The following STAB2 variants were observed in gnomAD, a reference collection of about 807,000 sequenced individuals.
The protein encoded by STAB2 is stabilin 2, also known as stabilin-2.
STAB2 carries 288 observed loss-of-function variants against 338.1 expected under a neutral mutation model. That is an observed-to-expected ratio of 0.85 (90% CI 0.77 to 0.94). The LOEUF is 0.94. Among genes scored for constraint, STAB2 ranks in the 40% least tolerant of loss-of-function variants. STAB2 has a pLI of 0.00. For missense variants in STAB2, 3,141 were observed against 3,210.1 expected (o/e 0.98, Z 0.52); for synonymous variants, 1,202 against 1,193.3 (o/e 1.01, Z -0.15).
At chr12:103,739,509 T>C in intron 54 of STAB2, 41 bp downstream of exon 54, 1 of 1,512,350 alleles carries the variant, frequency 6.6e-7, no homozygotes, top group Non-Finnish European at 8.9e-7. Context: ...GAGCCATAGG[T>C]CTGTTTCATT....
intron 17 of STAB2, among the ~76,000 whole-genome samples, chr12:103,661,953 TG>T (rs1277412363): frequency 2.0e-5 from 3 of 151,950 alleles, no homozygotes; most frequent in African/African-American, 7.3e-5. Flanking sequence ...GGCTCTTACT[TG>T]GAATGAGAGG....
chr12:103,657,745 T>G (rs1364435554), intron 15 of STAB2: 2 of 152,242 alleles, frequency 1.3e-5, no homozygotes, highest in East Asian at 3.8e-4. Context: ...CCATTTCAAT[T>G]TCTAGGTGAG....
chr12:103,706,997 G>A lies in STAB2; in HGVS notation c.4192+10G>A, dbSNP rs66517507. 0.068 allele frequency: 110,341 copies of A among 1,613,238 alleles called. 5,446 individuals are homozygous for A. The highest frequency in any genetic ancestry group is 0.25 in the African/African-American group (18,446 of 74,982). ...ATCCACTGTGACCAAGGTGAGCACC[G>A]TCCTCTCCACAGAGGATCTTGGGCT... On this transcript the variant is annotated intron_variant, in intron 38 of 68. Coordinates refer to ENST00000388887, the MANE Select transcript of STAB2 (RefSeq NM_017564.10).
rs1884972254 is a variant in STAB2, at chr12:103,766,447, G to A, written c.*111G>A. 1.6e-6 allele frequency: 2 copies of A among 1,254,454 alleles called. No homozygotes were observed. Among genetic ancestry groups the A allele is most frequent in the African/African-American group, 3.0e-5 (2 of 66,482 alleles). 77.7% of individuals were successfully genotyped at this position (1,254,454 alleles called of 1,614,324 possible). On this transcript the variant is annotated 3_prime_UTR_variant, in exon 69 of 69. Transcript: ENST00000388887. ...CGTAAAGTCCTTTAAGCACTCAGAA[G>A]CCATACCTCATCTCTCTGGCTGATC...
chr12:103,672,856 T>A (rs1222613309), intron 22 of STAB2, among the ~76,000 whole-genome samples: 1 of 152,224 alleles, frequency 6.6e-6, no homozygotes, highest in Non-Finnish European at 1.5e-5. Flanking sequence ...TATAATGATC[T>A]ACGGTGTTTA....
intron 8 of STAB2, among the ~76,000 whole-genome samples, chr12:103,639,726 A>AC (rs1425772601): frequency 6.8e-6 from 1 of 146,306 alleles, no homozygotes; most frequent in Non-Finnish European, 1.5e-5. Context: ...AAAAAAAAAA[A>AC]CACTTGTTTC....
chr12:103,671,884 A>G (rs1875827418), intron 22 of STAB2, among the ~76,000 whole-genome samples: 1 of 152,214 alleles, frequency 6.6e-6, no homozygotes, highest in South Asian at 2.1e-4. Context: ...AAGCATATGT[A>G]TATTTTTGAC....
rs147235267 is a variant in STAB2, at chr12:103,724,891, C to T, written c.4684-84C>T. 789 of 1,564,430 alleles carry T rather than the reference C, an allele frequency of 5.0e-4. 4 individuals are homozygous for T. In the African/African-American group the frequency reaches 8.4e-3, roughly 17 times the overall value. On this transcript the variant is annotated intron_variant, in intron 44 of 68. Coordinates refer to ENST00000388887, the MANE Select transcript of STAB2 (RefSeq NM_017564.10). ...GAGTGAGACAAAAAATGAATTCAAA[C>T]GCAGAATTGCTTTGTAAATATCGGT...
chr12:103,670,931 A>G, intron 22 of STAB2, 124 bp downstream of exon 22: 1 of 727,096 alleles, frequency 1.4e-6, no homozygotes, highest in Non-Finnish European at 2.4e-6. Flanking sequence ...ATCATCACAG[A>G]GCATTCATTA....
chr12:103,632,195 A>G (rs1466543863), intron 6 of STAB2, among the ~76,000 whole-genome samples: 1 of 152,236 alleles, frequency 6.6e-6, no homozygotes, highest in Non-Finnish European at 1.5e-5. Context: ...GGAAATTCTG[A>G]AAACAATCTA....
chr12:103,685,594 T>G (rs1198189107), intron 27 of STAB2, among the ~76,000 whole-genome samples: 1 of 152,236 alleles, frequency 6.6e-6, no homozygotes, highest in East Asian at 1.9e-4. Context: ...ATGCCCATTT[T>G]ACAGGCAGGT....
chr12:103,685,469 T>TGTGTGTGTGTGTGCGTGC (rs1300245724), intron 27 of STAB2, among the ~76,000 whole-genome samples: 1 of 140,690 alleles, frequency 7.1e-6, no homozygotes, highest in Non-Finnish European at 1.6e-5. Flanking sequence ...TGCGTGTGTG[T>TGTGTGTGTGTGTGCGTGC]GTGCGTGCGC....
Position 103,623,944 on chromosome 12 carries a change from T to C in STAB2, c.487+1833T>C, listed in dbSNP as rs371091133. Among the ~76,000 whole-genome samples, 29 of 152,278 alleles carry C rather than the reference T, an allele frequency of 1.9e-4. No individual in the cohort carries two copies. The East Asian group carries it at 3.7e-3, about 19-fold the overall frequency. On this transcript the variant is annotated intron_variant, in intron 5 of 68. Transcript: ENST00000388887. The stretch of plus-strand genomic sequence containing the variant: ...ATCGCAGTCAGTAAGGTCTAAAGAA[T>C]GTGGGCATGGTAGAAACAGTGTCTG...
intron 5 of STAB2, among the ~76,000 whole-genome samples, chr12:103,628,319 C>T (rs1316953408): frequency 6.6e-6 from 1 of 152,152 alleles, no homozygotes; most frequent in Non-Finnish European, 1.5e-5. Flanking sequence ...TGACAACACA[C>T]TTGGCAAAAT....
rs143250493 is a variant in STAB2 at position 103,759,466 on chromosome 12, G to C, written c.7248+193G>C. Reference sequence around the variant, plus strand: ...GGCAGCCCCTACCCCTTGGGAAATAGGGCAGCCTCAGAAGCTGGTTATGGG... The same window carrying C: ...GGCAGCCCCTACCCCTTGGGAAATACGGCAGCCTCAGAAGCTGGTTATGGG... On this transcript the variant is annotated intron_variant, in intron 65 of 68. Transcript: ENST00000388887. 4.1e-3 allele frequency among the ~76,000 whole-genome samples: 626 copies of C among 152,324 alleles called. 2 individuals carry two copies. The highest frequency in any genetic ancestry group is 0.014 in the African/African-American group (587 of 41,572).
chr12:103,699,240 T>C lies in STAB2; in HGVS notation c.3714+13T>C, dbSNP rs780314902. On this transcript the variant is annotated intron_variant, in intron 34 of 68. Coordinates refer to ENST00000388887, the MANE Select transcript of STAB2 (RefSeq NM_017564.10). Reference sequence around the variant, plus strand: ...CCATAATGACCAGGTACGATCCTTTTATGTAAAACCCCAGCAATGCCACCG... The same window carrying C: ...CCATAATGACCAGGTACGATCCTTTCATGTAAAACCCCAGCAATGCCACCG... The C allele has an allele frequency of 2.5e-6, 4 of 1,604,392 alleles. No individual in the cohort carries two copies. The highest frequency in any genetic ancestry group is 3.4e-6 in the Non-Finnish European group (4 of 1,172,808).
chr12:103,717,830 G>A lies in STAB2; in HGVS notation c.4672G>A (p.Val1558Ile). 6.2e-7 allele frequency: 1 copy of A among 1,614,098 alleles called. No individual in the cohort carries two copies. Among genetic ancestry groups the A allele is most frequent in the Non-Finnish European group, 8.5e-7 (1 of 1,179,994 alleles). Reference sequence around the variant, plus strand: ...TGGAAAGGTCTGCACACTCATCAATGTCTGCTTAACTGTGAGTATGGCTCT... The same window carrying A: ...TGGAAAGGTCTGCACACTCATCAATATCTGCTTAACTGTGAGTATGGCTCT... ...GDGKVCTLIN[V>I]CLTKNGGCSE... Residue 1558 changes from valine (V) to isoleucine (I), a missense_variant, in exon 44 of 69, where the codon GTC becomes ATC. Coordinates refer to ENST00000388887, the MANE Select transcript of STAB2 (RefSeq NM_017564.10).
intron 54 of STAB2, 74 bp downstream of exon 54, chr12:103,739,542 T>C (rs1566063806): frequency 3.5e-6 from 2 of 573,168 alleles, no homozygotes; most frequent in South Asian, 3.7e-5. Flanking sequence ...TGTGTGTGTG[T>C]GTGTGTGTGT....
intron 50 of STAB2, among the ~76,000 whole-genome samples, chr12:103,731,988 A>G (rs540987074): frequency 3.9e-5 from 6 of 152,190 alleles, no homozygotes; most frequent in Non-Finnish European, 7.3e-5. Flanking sequence ...TGGGAACTCT[A>G]TGCCTGTGAG....
Sources: allele counts gnomAD v4.1 joint callset (sites outside exome capture counted in the v4.1 genomes callset), GRCh38; gene constraint gnomAD v4.1.1; transcripts MANE v1.5; gene names NCBI Gene and HGNC (gene_info 2026-07-23, HGNC 2026-07-21).